The following BAIAP2 variants were observed in gnomAD, a reference collection of about 807,000 sequenced individuals.
BAIAP2 encodes the protein BAR/IMD domain-containing adapter protein 2.
Under a neutral mutation model 63.0 loss-of-function variants are expected in BAIAP2, and 18 were observed. That is an observed-to-expected ratio of 0.29 (90% CI 0.20 to 0.42). The LOEUF is 0.42. Among genes scored for constraint, BAIAP2 ranks in the 10% least tolerant of loss-of-function variants. The pLI, the probability that BAIAP2 is intolerant of heterozygous loss-of-function variation, is 1.00. For missense variants in BAIAP2, 610 were observed against 734.3 expected, an observed-to-expected ratio of 0.83 and a Z score of 1.96; for synonymous variants, 386 against 307.6, an observed-to-expected ratio of 1.25 and a Z score of -2.67.
At chr17:81,052,776 T>A (rs1181670490) in intron 1 of BAIAP2, among the ~76,000 whole-genome samples, 1 of 149,778 alleles carries the variant, frequency 6.7e-6, no homozygotes, top group Non-Finnish European at 1.5e-5. Context: ...GCCCACAGGT[T>A]GGGGCTGGGT....
chr17:81,055,470 C>G (rs1002712722), intron 2 of BAIAP2, among the ~76,000 whole-genome samples: 4 of 152,200 alleles, frequency 2.6e-5, no homozygotes. Context: ...TCCACCCTGC[C>G]CCTCCTCTAC....
Position 81,046,644 on chromosome 17 carries a change from T to C in BAIAP2, c.55-7024T>C, listed in dbSNP as rs1027578178. Among the ~76,000 whole-genome samples, 1 of 152,238 alleles carries C rather than the reference T, an allele frequency of 6.6e-6. No individual in the cohort carries two copies. The highest frequency in any genetic ancestry group is 1.9e-4 in the East Asian group (1 of 5,180). On this transcript the variant is annotated intron_variant, in intron 1 of 13. Coordinates refer to ENST00000428708, the MANE Select transcript of BAIAP2 (RefSeq NM_001144888.2). The surrounding 1 kb of genome is among the most constrained non-coding windows in gnomAD (Gnocchi z 4.5). Reference sequence around the variant, plus strand: ...CAACCCCCCTGGCAGCCAAGGGAACTGAGCCTGTGGCCCCCGGACAGCAAG... The same window carrying C: ...CAACCCCCCTGGCAGCCAAGGGAACCGAGCCTGTGGCCCCCGGACAGCAAG...
At chr17:81,045,137 T>A (rs1156560992) in intron 1 of BAIAP2, among the ~76,000 whole-genome samples, 1 of 152,180 alleles carries the variant, frequency 6.6e-6, no homozygotes, top group African/African-American at 2.4e-5. Flanking sequence ...CACGTGTGGC[T>A]TTTGCCCTTG....
In BAIAP2 at chr17:81,057,989, C is replaced by G. The variant is rs757559645; in HGVS notation, c.217+22C>G. On this transcript the variant is annotated intron_variant, in intron 3 of 13. Coordinates refer to ENST00000428708, the MANE Select transcript of BAIAP2 (RefSeq NM_001144888.2). ...CTCGGTGAGACCCCCCCCCCCCCCC[C>G]GCCTGGTAGTCGCCTGATGCCCTCA... is the stretch of plus-strand genomic sequence containing the variant. 8.8e-5 allele frequency: 94 copies of G among 1,070,930 alleles called. 17 individuals are homozygous for G. The highest frequency in any genetic ancestry group is 4.9e-4 in the South Asian group (27 of 55,586). 66.3% of individuals were successfully genotyped at this position (1,070,930 alleles called of 1,614,324 possible).
chr17:81,075,823 C>T (rs1002918329), intron 3 of BAIAP2, among the ~76,000 whole-genome samples: 1 of 152,238 alleles, frequency 6.6e-6, no homozygotes. Flanking sequence ...TACTGCCCAG[C>T]CTTTGCACTG....
At chr17:81,035,365 C>T (rs1234953033) in intron 1 of BAIAP2, 57 bp downstream of exon 1, 2 of 1,106,686 alleles carry the variant, frequency 1.8e-6, no homozygotes, top group East Asian at 1.2e-4. Context: ...GGTCGCGCGC[C>T]GCCCGCGCGC....
At chr17:81,079,780 G>A (rs547725501) in intron 3 of BAIAP2, among the ~76,000 whole-genome samples, 2 of 152,298 alleles carry the variant, frequency 1.3e-5, no homozygotes, top group South Asian at 2.1e-4. Flanking sequence ...TTTGAACCTC[G>A]TCTTTAGAGT....
At chr17:81,097,784 C>T (rs903784842) in intron 6 of BAIAP2, 3 of 238,918 alleles carry the variant, frequency 1.3e-5, no homozygotes, top group Non-Finnish European at 2.4e-5. Context: ...GCTGAAGCAG[C>T]TAGCCTCCTG....
At chr17:81,114,067 C>T (rs535726469) in intron 13 of BAIAP2, among the ~76,000 whole-genome samples, 3 of 149,508 alleles carry the variant, frequency 2.0e-5, no homozygotes, top group South Asian at 2.1e-4. Flanking sequence ...TGGGTTCAAG[C>T]GATCCTCCCA....
chr17:81,106,143 T>C lies in BAIAP2; in HGVS notation c.1334T>C (p.Met445Thr). 1 of 1,579,510 alleles carries C rather than the reference T, an allele frequency of 6.3e-7. No homozygotes were observed. Among genetic ancestry groups the C allele is most frequent in the Non-Finnish European group, 8.6e-7 (1 of 1,162,610 alleles). The change falls in exon 11 of 14, where the codon ATG (methionine) becomes ACG (threonine). Residue 445 changes from methionine (M) to threonine (T), a missense_variant. Physicochemically the swap from Met to Thr is moderately conservative, Grantham distance 81 (BLOSUM62 -1). Around this residue, in one of 5 missense-constraint regions of BAIAP2, gnomAD observed 29 missense variants for 23.2 expected, o/e 1.25. Transcript: ENST00000428708. ...AGCGATGGCAGTGACAGGCTGCACA[T>C]GAGGTGAGCTCTGGGCCCAACGGGA... The part of the protein sequence containing the change: ...LDSDGSDRLH[M>T]SLQQGKSSST...
intron 3 of BAIAP2, among the ~76,000 whole-genome samples, chr17:81,072,040 G>A (rs1434956682): frequency 6.6e-6 from 1 of 152,234 alleles, no homozygotes; most frequent in Admixed American, 6.5e-5. Flanking sequence ...CATCATCGTG[G>A]TTGTGTTGGT....
At chr17:81,047,392 C>A (rs112450441) in intron 1 of BAIAP2, among the ~76,000 whole-genome samples, 1 of 152,102 alleles carries the variant, frequency 6.6e-6, no homozygotes, top group African/African-American at 2.4e-5. Context: ...CTAAGGCAGC[C>A]GGAGAGGGTC....
At chr17:81,056,927 G>A (rs2049679353) in intron 2 of BAIAP2, among the ~76,000 whole-genome samples, 1 of 151,212 alleles carries the variant, frequency 6.6e-6, no homozygotes, top group African/African-American at 2.5e-5. Context: ...GCGTTTTTCT[G>A]CTGTTGCGTT....
intron 1 of BAIAP2, among the ~76,000 whole-genome samples, chr17:81,050,219 C>T (rs776338355): frequency 1.1e-4 from 16 of 152,228 alleles, no homozygotes; most frequent in Non-Finnish European, 2.4e-4. Flanking sequence ...GGGAGTCCCC[C>T]CTTACAATGT....
Position 81,071,053 on chromosome 17 carries a change from G to A in BAIAP2, c.217+13086G>A, listed in dbSNP as rs541991156. ...TGCTTGGTTTCAGAACTGTGTGTGG[G>A]GAAGCAGCGTCAGCTACCGTCATCA... On this transcript the variant is annotated intron_variant, in intron 3 of 13. Transcript: ENST00000428708. Among the ~76,000 whole-genome samples, 3 of 151,980 alleles carry A rather than the reference G, an allele frequency of 2.0e-5. No individual in the cohort carries two copies. The South Asian group carries it at 6.2e-4, about 32-fold the overall frequency.
At chr17:81,110,042 A>C in intron 13 of BAIAP2, 1 of 985,494 alleles carries the variant, frequency 1.0e-6, no homozygotes, top group Non-Finnish European at 1.2e-6. Context: ...CAGTGGACTC[A>C]GTGGCTACTG....
chr17:81,109,217 C>T lies in BAIAP2; in HGVS notation c.1535+708C>T, dbSNP rs1568192558. On this transcript the variant is annotated intron_variant, in intron 13 of 13. Coordinates refer to ENST00000428708, the MANE Select transcript of BAIAP2 (RefSeq NM_001144888.2). ...CTCCCCTGTGTTTACGCGCCCCATC[C>T]TGTGTGTCCCAGCCTTTTGAGCAGA... 3 of 1,392,804 alleles carry T rather than the reference C, an allele frequency of 2.2e-6. No individual in the cohort carries two copies. In the East Asian group the frequency reaches 8.2e-5, roughly 38 times the overall value. 86.3% of individuals were successfully genotyped at this position (1,392,804 alleles called of 1,614,324 possible).
At position 81,071,111 on chromosome 17, in the gene BAIAP2, T is replaced by TTTC. The variant is rs1555665361; in HGVS notation, c.217+13144_217+13145insTTC. Reference sequence around the variant, plus strand: ...AACACAGACATTGATTTTTTTTTTTTCCCCCATTGGTTACCCGCTGGCCAC... The same window carrying TTTC: ...AACACAGACATTGATTTTTTTTTTTTTTCCCCCCATTGGTTACCCGCTGGCCAC... On this transcript the variant is annotated intron_variant, in intron 3 of 13. Coordinates refer to ENST00000428708, the MANE Select transcript of BAIAP2 (RefSeq NM_001144888.2). Among the ~76,000 whole-genome samples the TTTC allele has an allele frequency of 3.4e-3, 506 of 150,856 alleles. 3 individuals carry two copies. The highest frequency in any genetic ancestry group is 4.4e-3 in the African/African-American group (182 of 41,156).
chr17:81,059,541 C>T lies in BAIAP2; in HGVS notation c.217+1574C>T, dbSNP rs184203711. 2.2e-4 allele frequency among the ~76,000 whole-genome samples: 34 copies of T among 152,308 alleles called. 1 individual carries two copies. The highest frequency in any genetic ancestry group is 7.7e-4 in the African/African-American group (32 of 41,564). On this transcript the variant is annotated intron_variant, in intron 3 of 13. Transcript: ENST00000428708. ...CTCACTGTGGCCTTGAACTCATGGG[C>T]TCAAGTGATCCTCCTGCCTCAGCCT...
Sources: gnomAD v4.1 joint callset for allele counts (sites outside exome capture counted in the v4.1 genomes callset) on GRCh38, gnomAD v4.1.1 for gene constraint, gnomAD v4.1.1 regional missense constraint, Gnocchi (gnomAD v3.1) non-coding constraint, MANE v1.5 for transcripts, NCBI Gene and HGNC (gene_info 2026-07-23, HGNC 2026-07-21) for gene names.